Variants in FGFRL1 observed in about 807,000 individuals in gnomAD.
FGFRL1 encodes the protein fibroblast growth factor receptor like 1.
FGFRL1 carries 24 observed loss-of-function variants against 36.8 expected under a neutral mutation model. The ratio of observed to expected loss-of-function variants is 0.65; its 90% CI spans 0.47 to 0.92. The LOEUF is 0.92. FGFRL1 is among the 40% of genes least tolerant of loss of function. FGFRL1 has a pLI of 0.00. For missense variants in FGFRL1, 785 were observed against 753.4 expected (o/e 1.04, Z -0.49); for synonymous variants, 422 against 344.1 (o/e 1.23, Z -2.50).
intron 2 of FGFRL1, among the ~76,000 whole-genome samples, chr4:1,014,903 T>C (rs575035219): frequency 6.6e-6 from 1 of 152,312 alleles, no homozygotes; most frequent in Admixed American, 6.5e-5. Context: ...AAAGTCGCCT[T>C]TGGCTGGGCC....
intron 2 of FGFRL1, among the ~76,000 whole-genome samples, chr4:1,017,588 C>T (rs1412879820): frequency 6.6e-6 from 1 of 152,240 alleles, no homozygotes; most frequent in Non-Finnish European, 1.5e-5. Flanking sequence ...GTGGATACCA[C>T]TGGCCTGGGC....
Position 1,022,204 on chromosome 4 carries a change from C to T in FGFRL1, c.81C>T (p.Gly27=), listed in dbSNP as rs760894803. The change falls in exon 3 of 7, where the codon GGC becomes GGT. Residue 27 remains glycine, a splice_region_variant and synonymous_variant. Transcript: ENST00000510644. The part of the protein sequence containing the change: ...GAFPPAAAAR[G]PPKMADKVVP... ...ACTGTTCCTCGGTCCCACCCGCAGGCCCCCCAAAGATGGCGGACAAGGTGG... is the reference window on the plus strand; with the variant it reads ...ACTGTTCCTCGGTCCCACCCGCAGGTCCCCCAAAGATGGCGGACAAGGTGG... The T allele has an allele frequency of 2.6e-6, 4 of 1,524,218 alleles. No homozygotes were observed. Among genetic ancestry groups the T allele is most frequent in the Middle Eastern group, 2.4e-4 (1 of 4,222 alleles). 94.4% of individuals were successfully genotyped at this position (1,524,218 alleles called of 1,614,324 possible). A position where few individuals can be genotyped will look rare whatever the true frequency, so the allele number is the denominator to read the frequency against.
In FGFRL1 at chr4:1,024,478, A is replaced by G. The variant is rs753437773; in HGVS notation, c.886A>G (p.Ile296Val). The G allele has an allele frequency of 1.2e-5, 19 of 1,612,424 alleles. No individual in the cohort carries two copies. The Admixed American group carries it at 2.2e-4, about 18-fold the overall frequency. ...YGAEGRHNST[I>V]DVGGQKFVVL... ...CGCCGAGGGCCGCCACAACTCCACC[A>G]TCGATGTGGGCGGCCAGAAGTTTGT... is the stretch of plus-strand genomic sequence containing the variant. The change falls in exon 6 of 7, where the codon ATC becomes GTC. Residue 296 changes from isoleucine to valine, a missense_variant. Ile to Val is a conservative substitution (Grantham distance 29, BLOSUM62 3). Coordinates refer to ENST00000510644, the MANE Select transcript of FGFRL1 (RefSeq NM_001004356.3).
At position 1,025,498 on chromosome 4, in the gene FGFRL1, G is replaced by GAC. The variant is rs147695405; in HGVS notation, c.*163_*164dup. 28 of 847,086 alleles carry GAC rather than the reference G, an allele frequency of 3.3e-5. No homozygotes were observed. The highest frequency in any genetic ancestry group is 2.6e-4 in the Middle Eastern group (1 of 3,870). 52.5% of individuals were successfully genotyped at this position (847,086 alleles called of 1,614,324 possible). A position where few individuals can be genotyped will look rare whatever the true frequency, so the allele number is the denominator to read the frequency against. On this transcript the variant is annotated 3_prime_UTR_variant, in exon 7 of 7. Transcript: ENST00000510644. ...GTCTGTGTGTGAGGCATAGCCCCTG[G>GAC]ACACACACACACAGACACACACACT...
At chr4:1,019,015 G>A (rs1394278372) in intron 2 of FGFRL1, among the ~76,000 whole-genome samples, 2 of 152,188 alleles carry the variant, frequency 1.3e-5, no homozygotes, top group Admixed American at 1.3e-4. Flanking sequence ...TGGGGGCCAC[G>A]CTTCCGGCCA....
chr4:1,018,977 C>T (rs1458999533), intron 2 of FGFRL1, among the ~76,000 whole-genome samples: 2 of 152,138 alleles, frequency 1.3e-5, no homozygotes, highest in Non-Finnish European at 2.9e-5. Context: ...TGCCTCTGCC[C>T]GTGCCTACAG....
chr4:1,019,963 G>A (rs542247097), intron 2 of FGFRL1, among the ~76,000 whole-genome samples: 9 of 152,326 alleles, frequency 5.9e-5, no homozygotes, highest in East Asian at 3.9e-4. Context: ...CAGCCCCAGC[G>A]GCCAATGATG....
Position 1,025,326 on chromosome 4 carries a change from G to A in FGFRL1, c.1494G>A (p.Gln498=), listed in dbSNP as rs1716458546. The A allele has an allele frequency of 6.4e-7, 1 of 1,556,322 alleles. No homozygotes were observed. The highest frequency in any genetic ancestry group is 8.7e-7 in the Non-Finnish European group (1 of 1,149,790). The change falls in exon 7 of 7, where the codon CAG becomes CAA. Residue 498 remains glutamine (Q), a synonymous_variant. Coordinates refer to ENST00000510644, the MANE Select transcript of FGFRL1 (RefSeq NM_001004356.3). ...THSHVEGKVH[Q]HIHYQC is the part of the protein sequence containing the mutation. ...CACACGTGGAGGGCAAGGTCCACCA[G>A]CACATCCACTATCAGTGCTAGACGG...
At chr4:1,019,572 C>T (rs1338192027) in intron 2 of FGFRL1, among the ~76,000 whole-genome samples, 4 of 152,176 alleles carry the variant, frequency 2.6e-5, no homozygotes, top group Non-Finnish European at 5.9e-5. Flanking sequence ...CAGGAGGCCC[C>T]AGTGCTGTGG....
At position 1,017,285 on chromosome 4, in the gene FGFRL1, G is replaced by C. The variant is rs563706464; in HGVS notation, c.79+4721G>C. Among the ~76,000 whole-genome samples, 3 of 147,516 alleles carry C rather than the reference G, an allele frequency of 2.0e-5. No individual in the cohort carries two copies. In the South Asian group the frequency reaches 6.5e-4, roughly 32 times the overall value. On this transcript the variant is annotated intron_variant, in intron 2 of 6. Coordinates refer to ENST00000510644, the MANE Select transcript of FGFRL1 (RefSeq NM_001004356.3). ...CCTCACTCCACTCTGGCCTCGTTCG[G>C]CTGCCAGGACGCTCTTGGTCCAGCT...
chr4:1,011,690 C>A lies in FGFRL1; in HGVS notation c.-281C>A, dbSNP rs1490088313. On this transcript the variant is annotated 5_prime_UTR_variant, in exon 1 of 7. Coordinates refer to ENST00000510644, the MANE Select transcript of FGFRL1 (RefSeq NM_001004356.3). ...GCGGCGCCCCGGGCCCCTCGCCCCG[C>A]CGCCCCGGGATCCCGGCCCCGGCCC... is the stretch of plus-strand genomic sequence containing the variant. 1 of 144,668 alleles carries A rather than the reference C, an allele frequency of 6.9e-6. No homozygotes were observed. The highest frequency in any genetic ancestry group is 1.8e-4 in the South Asian group (1 of 5,416). The allele number at this position is 144,668 out of a possible 1,614,324, so 9.0% of individuals were successfully genotyped here.
chr4:1,024,199 G>A (rs1446660617), intron 5 of FGFRL1, 98 bp downstream of exon 5: 4 of 504,272 alleles, frequency 7.9e-6, no homozygotes, highest in Admixed American at 4.9e-5. Flanking sequence ...GTGGGCGGGG[G>A]CACTGGCAGG....
Position 1,023,786 on chromosome 4 carries a change from C to T in FGFRL1, c.434-31C>T, listed in dbSNP as rs757035757. ...CCCGGCCCCTTGGCTGCATCCCCGT[C>T]CTCTGACCTCCACGCCACCCCACCC... is the stretch of plus-strand genomic sequence containing the variant. On this transcript the variant is annotated intron_variant, in intron 4 of 6. Coordinates refer to ENST00000510644, the MANE Select transcript of FGFRL1 (RefSeq NM_001004356.3). This position sits in a 1 kb window ranked among gnomAD's most constrained non-coding sequence, Gnocchi z 6.0. 10 of 1,563,524 alleles carry T rather than the reference C, an allele frequency of 6.4e-6. No individual in the cohort carries two copies. In the African/African-American group the frequency reaches 6.8e-5, roughly 11 times the overall value.
rs889732510 is a variant in FGFRL1 at position 1,019,082 on chromosome 4, C to T, written c.80-3121C>T. Among the ~76,000 whole-genome samples, 25 of 152,346 alleles carry T rather than the reference C, an allele frequency of 1.6e-4. No homozygotes were observed. The East Asian group carries it at 2.1e-3, about 13-fold the overall frequency. ...CAGTGGTGACCACAGGCGGGGGTCC[C>T]GCCTCCCTGTCTGTGCCTGTCATCC... On this transcript the variant is annotated intron_variant, in intron 2 of 6. Coordinates refer to ENST00000510644, the MANE Select transcript of FGFRL1 (RefSeq NM_001004356.3).
chr4:1,022,674 G>A (rs1447020519), intron 3 of FGFRL1, among the ~76,000 whole-genome samples, 199 bp downstream of exon 3: 1 of 152,182 alleles, frequency 6.6e-6, no homozygotes, highest in South Asian at 2.1e-4. Context: ...TCCTGTCCCC[G>A]TCAGGCTCCA....
intron 1 of FGFRL1, 176 bp from the exon 2 acceptor site, chr4:1,012,294 C>T (rs918185942): frequency 9.8e-6 from 6 of 611,348 alleles, no homozygotes; most frequent in African/African-American, 5.9e-5. Context: ...AGTGTAAACC[C>T]TTTGTCTGCC....
In FGFRL1 at chr4:1,026,771, G is replaced by T; in HGVS notation, c.*1424G>T. The T allele has an allele frequency of 2.2e-6, 1 of 446,952 alleles. No individual in the cohort carries two copies. The highest frequency in any genetic ancestry group is 7.2e-5 in the East Asian group (1 of 13,960). The allele number at this position is 446,952 out of a possible 1,614,324, so 27.7% of individuals were successfully genotyped here. A position where few individuals can be genotyped will look rare whatever the true frequency, so the allele number is the denominator to read the frequency against. On this transcript the variant is annotated 3_prime_UTR_variant, in exon 7 of 7. Coordinates refer to ENST00000510644, the MANE Select transcript of FGFRL1 (RefSeq NM_001004356.3). ...ATGCTGATGACCACACCCCGTCCAG[G>T]CCAGACACCACCCCCCACCCCACTG...
At chr4:1,021,573 G>A (rs1299157188) in intron 2 of FGFRL1, among the ~76,000 whole-genome samples, 3 of 152,192 alleles carry the variant, frequency 2.0e-5, no homozygotes, top group African/African-American at 4.8e-5. Flanking sequence ...TGACACAGAC[G>A]TGGGTGCTGC....
In FGFRL1 at chr4:1,024,411, C is replaced by T. The variant is rs751514315; in HGVS notation, c.819C>T (p.Asp273=). ...TTSFQCKVRS[D]VKPVIQWLKR... ...CCTTCCAGTGCAAGGTGCGCAGCGA[C>T]GTGAAGCCGGTGATCCAGTGGCTGA... The change falls in exon 6 of 7, where the codon GAC becomes GAT. Residue 273 remains aspartate, a synonymous_variant. Coordinates refer to ENST00000510644, the MANE Select transcript of FGFRL1 (RefSeq NM_001004356.3). The T allele has an allele frequency of 1.3e-5, 21 of 1,612,508 alleles. No homozygotes were observed. Among genetic ancestry groups the T allele is most frequent in the South Asian group, 6.6e-5 (6 of 91,086 alleles).
Sources: allele counts gnomAD v4.1 joint callset (sites outside exome capture counted in the v4.1 genomes callset), GRCh38; gene constraint gnomAD v4.1.1; non-coding constraint Gnocchi (gnomAD v3.1); transcripts MANE v1.5; gene names NCBI Gene and HGNC (gene_info 2026-07-23, HGNC 2026-07-21).